MROH2B: variants seen among roughly 807,000 people sequenced by gnomAD.
MROH2B encodes the protein maestro heat-like repeat-containing protein family member 2B.
A neutral mutation model predicts 208.6 loss-of-function variants in MROH2B; 177 were observed. The ratio of observed to expected loss-of-function variants is 0.85; its 90% confidence interval spans 0.75 to 0.96. MROH2B has a LOEUF of 0.96. Ranked by LOEUF, MROH2B falls within the 40% of genes least tolerant of loss-of-function variation. The probability of loss-of-function intolerance (pLI) is 0.00; values close to 1 mark genes in which losing one functional copy is unlikely to be tolerated. For synonymous variants in MROH2B, 728 were observed against 659.0 expected (o/e 1.10, Z -1.60); for missense variants, 2,002 against 1,878.7 (o/e 1.07, Z -1.21).
chr5:41,023,581 G>C (rs909899638), intron 24 of MROH2B, among the ~76,000 whole-genome samples: 4 of 151,672 alleles, frequency 2.6e-5, no homozygotes, highest in Admixed American at 6.6e-5. Flanking sequence ...GTACCTGAAA[G>C]TGATGGGACC....
intron 16 of MROH2B, 112 bp from the exon 17 acceptor site, chr5:41,047,876 T>A (rs1033596746): frequency 1.2e-6 from 1 of 862,648 alleles, no homozygotes; most frequent in Non-Finnish European, 1.8e-6. Context: ...GCTTTCTTTT[T>A]GCTCATAATG....
chr5:41,065,260 C>T, intron 4 of MROH2B, 71 bp downstream of exon 4: 1 of 1,438,074 alleles, frequency 7.0e-7, no homozygotes, highest in Non-Finnish European at 9.4e-7. Flanking sequence ...CTACCGTTTG[C>T]TCCCATTTAG....
intron 1 of MROH2B, 96 bp from the exon 2 acceptor site, chr5:41,069,848 A>G (rs1298617525): frequency 2.4e-5 from 22 of 908,232 alleles, no homozygotes; most frequent in Non-Finnish European, 3.7e-5. Context: ...TCATTCATTT[A>G]TCCTCTCTCT....
At chr5:41,069,337 T>G (rs560576722) in intron 2 of MROH2B, among the ~76,000 whole-genome samples, 3 of 152,312 alleles carry the variant, frequency 2.0e-5, no homozygotes, top group South Asian at 2.1e-4. Flanking sequence ...GCATTATAGA[T>G]GAGCAGGGAA....
intron 28 of MROH2B, among the ~76,000 whole-genome samples, chr5:41,016,960 C>T (rs149541394): frequency 6.6e-6 from 1 of 152,196 alleles, no homozygotes; most frequent in East Asian, 1.9e-4. Context: ...CAAATCCTAC[C>T]TTTTGGCTTT....
At position 41,048,386 on chromosome 5, in the gene MROH2B, A is replaced by G; in HGVS notation, c.1622T>C (p.Ile541Thr). 6.2e-7 allele frequency: 1 copy of G among 1,613,704 alleles called. No homozygotes were observed. Among genetic ancestry groups the G allele is most frequent in the Non-Finnish European group, 8.5e-7 (1 of 1,179,718 alleles). The change falls in exon 16 of 42, where the codon ATT becomes ACT. Residue 541 changes from isoleucine to threonine, a missense_variant. Coordinates refer to ENST00000399564, the MANE Select transcript of MROH2B (RefSeq NM_173489.5). ...CCATAGGTCTACCAATTTTGGGTGA[A>G]TTATCTCAGGCAGTATCTTCAAAAG... is the stretch of plus-strand genomic sequence containing the variant. ...IGLLKILPEI[I>T]HPKLVDLWKT...
intron 17 of MROH2B, among the ~76,000 whole-genome samples, chr5:41,047,169 G>A (rs1432736604): frequency 1.3e-5 from 2 of 152,146 alleles, no homozygotes; most frequent in African/African-American, 2.4e-5. Flanking sequence ...TCCACTGCCT[G>A]TCTGCAATTA....
chr5:41,009,863 C>T, intron 31 of MROH2B, 59 bp downstream of exon 31: 3 of 1,541,228 alleles, frequency 1.9e-6, no homozygotes, highest in Non-Finnish European at 2.6e-6. Flanking sequence ...TAAATCCCTC[C>T]CCAGTGCCTT....
intron 19 of MROH2B, among the ~76,000 whole-genome samples, chr5:41,040,161 T>C (rs952415537): frequency 2.6e-5 from 4 of 152,210 alleles, no homozygotes; most frequent in Non-Finnish European, 4.4e-5. Flanking sequence ...AGGTTTTTTT[T>C]CAGCTTGAAT....
rs888851610 is a variant in MROH2B, at chr5:41,048,237, G to A, written c.1684+87C>T. On this transcript the variant is annotated intron_variant, in intron 16 of 41. Coordinates refer to ENST00000399564, the MANE Select transcript of MROH2B (RefSeq NM_173489.5). Reference sequence around the variant, plus strand: ...TCATCATTTTTATTGCCTAAAATGAGCATTAATGGCTTTACACAGAGAAAC... The same window carrying A: ...TCATCATTTTTATTGCCTAAAATGAACATTAATGGCTTTACACAGAGAAAC... The A allele has an allele frequency of 2.8e-6, 4 of 1,425,740 alleles. No homozygotes were observed. In the East Asian group the frequency reaches 9.7e-5, roughly 35 times the overall value. 88.3% of individuals were successfully genotyped at this position (1,425,740 alleles called of 1,614,324 possible). A position where few individuals can be genotyped will look rare whatever the true frequency, so the allele number is the denominator to read the frequency against.
At chr5:41,069,358 G>T (rs1298369063) in intron 2 of MROH2B, among the ~76,000 whole-genome samples, 3 of 152,124 alleles carry the variant, frequency 2.0e-5, no homozygotes, top group Admixed American at 1.3e-4. Context: ...GAGCTTTTGG[G>T]ATTTTTGTAA....
intron 24 of MROH2B, among the ~76,000 whole-genome samples, chr5:41,022,925 G>T (rs1162969192): frequency 6.7e-6 from 1 of 148,602 alleles, no homozygotes; most frequent in African/African-American, 2.4e-5. Flanking sequence ...TGATAACCAG[G>T]CAAACAGGGT....
chr5:41,064,689 T>A, intron 4 of MROH2B, 119 bp from the exon 5 acceptor site: 1 of 622,864 alleles, frequency 1.6e-6, no homozygotes, highest in East Asian at 2.8e-5. Context: ...TGAGGTGTAG[T>A]AGAAAGATGT....
At chr5:41,041,597 C>G (rs1322071822) in intron 19 of MROH2B, among the ~76,000 whole-genome samples, 1 of 152,164 alleles carries the variant, frequency 6.6e-6, no homozygotes, top group East Asian at 1.9e-4. Context: ...GCACTCCACC[C>G]CGGGTGACAG....
intron 26 of MROH2B, 98 bp downstream of exon 26, chr5:41,018,593 G>A: frequency 6.8e-7 from 1 of 1,479,344 alleles, no homozygotes; most frequent in Non-Finnish European, 9.3e-7. Context: ...GGTCCAGCTG[G>A]ATGTCTTCAT....
At chr5:41,063,841 C>T (rs139566092) in intron 5 of MROH2B, among the ~76,000 whole-genome samples, 1 of 152,126 alleles carries the variant, frequency 6.6e-6, no homozygotes, top group Non-Finnish European at 1.5e-5. Flanking sequence ...AACACTGCTT[C>T]CTAGGAATTC....
chr5:41,003,029 C>T (rs1275704847), intron 37 of MROH2B, among the ~76,000 whole-genome samples: 8 of 148,764 alleles, frequency 5.4e-5, no homozygotes, highest in South Asian at 2.1e-4. Context: ...GGCATGATCT[C>T]GGCTCACTGC....
chr5:41,044,704 C>A (rs995476925), intron 18 of MROH2B, among the ~76,000 whole-genome samples: 1 of 152,002 alleles, frequency 6.6e-6, no homozygotes, highest in Non-Finnish European at 1.5e-5. Context: ...ATTAGAGAGT[C>A]GATCAATGAG....
chr5:40,998,588 G>C (rs1316216396), intron 41 of MROH2B, 24 bp downstream of exon 41: 1 of 1,560,548 alleles, frequency 6.4e-7, no homozygotes, highest in Admixed American at 1.8e-5. Context: ...CAATATGCTG[G>C]GAAGAAACTA....
Sources: gnomAD v4.1 joint callset for allele counts (sites outside exome capture counted in the v4.1 genomes callset) on GRCh38, gnomAD v4.1.1 for gene constraint, MANE v1.5 for transcripts, NCBI Gene and HGNC (gene_info 2026-07-23, HGNC 2026-07-21) for gene names.